NBAS: variants seen among roughly 807,000 people sequenced by gnomAD.
The protein encoded by NBAS is NBAS subunit of NRZ tethering complex, also known as NAG/BC035112 fusion.
In NBAS, 219 loss-of-function variants were observed where a neutral mutation model predicts 302.5. The ratio of observed to expected loss-of-function variants is 0.72; its 90% CI spans 0.65 to 0.81. The LOEUF (loss-of-function observed/expected upper bound fraction) is 0.81, where lower values mean the gene tolerates loss of function less well. NBAS is among the 30% of genes least tolerant of loss of function. NBAS has a pLI of 0.00. For missense variants in NBAS, 2,932 were observed against 2,841.6 expected, an observed-to-expected ratio of 1.03 and a Z score of -0.72; for synonymous variants, 1,118 against 1,021.6, an observed-to-expected ratio of 1.09 and a Z score of -1.80.
chr2:14,971,313 G>A, the NBAS span, among the ~76,000 whole-genome samples: 3 of 152,064 alleles, frequency 2.0e-5, no homozygotes, highest in South Asian at 6.2e-4. Context: ...TCAGGAGTTC[G>A]AGACCAGCCT....
chr2:15,468,851 T>G (rs1213485887), intron 16 of NBAS, among the ~76,000 whole-genome samples: 1 of 152,228 alleles, frequency 6.6e-6, no homozygotes, highest in African/African-American at 2.4e-5. Context: ...GTTTGCACCG[T>G]GGCTGTATAA....
At chr2:15,079,770 T>C in the NBAS span, among the ~76,000 whole-genome samples, 1 of 152,168 alleles carries the variant, frequency 6.6e-6, no homozygotes, top group Non-Finnish European at 1.5e-5. Flanking sequence ...CCATCCTGTG[T>C]TGCAACCTTC....
intron 21 of NBAS, among the ~76,000 whole-genome samples, chr2:15,440,287 G>T (rs183571385): frequency 6.6e-6 from 1 of 152,152 alleles, no homozygotes; most frequent in East Asian, 1.9e-4. Flanking sequence ...ACTTCACACG[G>T]CCCGGTACTC....
At chr2:15,448,724 C>T (rs888576252) in intron 21 of NBAS, among the ~76,000 whole-genome samples, 12 of 152,106 alleles carry the variant, frequency 7.9e-5, no homozygotes, top group African/African-American at 2.4e-4. Flanking sequence ...CATGTCTTGT[C>T]GACAAAATAT....
At chr2:15,544,403 G>C (rs1664006048) in intron 6 of NBAS, among the ~76,000 whole-genome samples, 1 of 151,936 alleles carries the variant, frequency 6.6e-6, no homozygotes, top group Non-Finnish European at 1.5e-5. Context: ...GCAGGGAAGG[G>C]AGGAAGGGAA....
At chr2:15,449,479 G>T (rs935482042) in intron 21 of NBAS, among the ~76,000 whole-genome samples, 2 of 152,106 alleles carry the variant, frequency 1.3e-5, no homozygotes, top group Admixed American at 6.6e-5. Context: ...GGACTCCCCA[G>T]AGTACCAGAT....
chr2:14,991,987 T>C, the NBAS span, among the ~76,000 whole-genome samples: 1 of 152,114 alleles, frequency 6.6e-6, no homozygotes, highest in African/African-American at 2.4e-5. Flanking sequence ...CACCTTTGGC[T>C]GAGAGGGTGG....
the NBAS span, among the ~76,000 whole-genome samples, chr2:14,858,007 G>A: frequency 6.6e-6 from 1 of 152,056 alleles, no homozygotes; most frequent in African/African-American, 2.4e-5. Context: ...ATCAAAAAGT[G>A]GGCAAGAGAC....
At chr2:14,870,559 G>C in the NBAS span, among the ~76,000 whole-genome samples, 5 of 152,090 alleles carry the variant, frequency 3.3e-5, no homozygotes, top group South Asian at 8.3e-4. Context: ...AGGTGGCTTA[G>C]GTCCTAGCTA....
chr2:15,235,696 A>C lies in NBAS; in HGVS notation c.5944-949T>G, dbSNP rs1282891011. ...TATTTATGAATAAAATGAAAAGATG[A>C]CTGAGATTTGCTTCACAATCCACAA... On this transcript the variant is annotated intron_variant, in intron 45 of 51. Transcript: ENST00000281513. 2.0e-5 allele frequency among the ~76,000 whole-genome samples: 3 copies of C among 152,214 alleles called. No individual in the cohort carries two copies. The East Asian group carries it at 5.8e-4, about 29-fold the overall frequency.
intron 14 of NBAS, 41 bp from the exon 15 acceptor site, chr2:15,474,365 T>C (rs772401053): frequency 4.5e-6 from 7 of 1,539,468 alleles, no homozygotes; most frequent in Admixed American, 1.9e-5. Context: ...AGTAAGGAAA[T>C]AAGAATAACT....
At chr2:15,322,381 G>T (rs1260915363) in intron 38 of NBAS, among the ~76,000 whole-genome samples, 1 of 151,772 alleles carries the variant, frequency 6.6e-6, no homozygotes, top group East Asian at 1.9e-4. Context: ...AGAACTTAAA[G>T]TATAATAAAA....
At chr2:15,073,194 T>C in the NBAS span, among the ~76,000 whole-genome samples, 1 of 151,840 alleles carries the variant, frequency 6.6e-6, no homozygotes, top group African/African-American at 2.4e-5. Context: ...AGAAGTAAAA[T>C]AAGGATGGGC....
intron 41 of NBAS, among the ~76,000 whole-genome samples, chr2:15,288,458 A>T (rs1670157065): frequency 1.3e-5 from 2 of 152,174 alleles, no homozygotes; most frequent in African/African-American, 4.8e-5. Flanking sequence ...CTTCTCAGAC[A>T]TAAGAGAGAA....
intron 42 of NBAS, among the ~76,000 whole-genome samples, chr2:15,280,573 T>C (rs890572866): frequency 1.3e-5 from 2 of 152,158 alleles, no homozygotes; most frequent in African/African-American, 2.4e-5. Context: ...ATCACACAAC[T>C]AGTAAGAGAT....
intron 1 of NBAS, among the ~76,000 whole-genome samples, chr2:15,559,730 C>G (rs1445194867): frequency 6.6e-6 from 1 of 152,230 alleles, no homozygotes; most frequent in East Asian, 1.9e-4. Context: ...TCCCCCACCC[C>G]CAACACACAA....
chr2:15,486,664 T>C (rs1680641719), intron 12 of NBAS, among the ~76,000 whole-genome samples: 1 of 152,260 alleles, frequency 6.6e-6, no homozygotes, highest in Admixed American at 6.5e-5. Flanking sequence ...CCATTACTTT[T>C]CTGACTGCAT....
At chr2:15,143,135 T>C in the NBAS span, among the ~76,000 whole-genome samples, 2 of 152,208 alleles carry the variant, frequency 1.3e-5, no homozygotes, top group African/African-American at 4.8e-5. Flanking sequence ...ACTGTTATCA[T>C]TTACCCCTTT....
At chr2:14,865,502 G>A in the NBAS span, among the ~76,000 whole-genome samples, 1 of 152,142 alleles carries the variant, frequency 6.6e-6, no homozygotes, top group Admixed American at 6.5e-5. Flanking sequence ...TGCCATGAAA[G>A]ACAGGGGAAG....
Sources: allele counts gnomAD v4.1 joint callset (sites outside exome capture counted in the v4.1 genomes callset), GRCh38; gene constraint gnomAD v4.1.1; transcripts MANE v1.5; gene names NCBI Gene and HGNC (gene_info 2026-07-23, HGNC 2026-07-21).